LINGO1: variants seen among roughly 807,000 people sequenced by gnomAD.
LINGO1 encodes the protein leucine-rich repeat and immunoglobulin-like domain-containing nogo receptor-interacting protein 1.
LINGO1 carries 11 observed loss-of-function variants against 37.3 expected under a neutral mutation model. The ratio of observed to expected loss-of-function variants is 0.29; its 90% CI spans 0.19 to 0.49. The LOEUF (loss-of-function observed/expected upper bound fraction) is 0.49, where lower values mean the gene tolerates loss of function less well. Among genes scored for constraint, LINGO1 ranks in the 20% least tolerant of loss-of-function variants. The pLI is 0.99. For synonymous variants in LINGO1, 387 were observed against 403.0 expected, an observed-to-expected ratio of 0.96 and a Z score of 0.48; for missense variants, 585 against 878.2, an observed-to-expected ratio of 0.67 and a Z score of 4.22.
chr15:77,632,349 A>G lies in LINGO1; in HGVS notation c.-34T>C. On this transcript the variant is annotated 5_prime_UTR_variant, in exon 1 of 2. Transcript: ENST00000355300. This position sits in a 1 kb window ranked among gnomAD's most constrained non-coding sequence, Gnocchi z 6.0. ...CGCCTTCGGTCCGCTCGGCTCGGTC[A>G]CCAATCGCATGTCTCTCCAGCCGGC... 2 of 1,419,694 alleles carry G rather than the reference A, an allele frequency of 1.4e-6. No homozygotes were observed. The highest frequency in any genetic ancestry group is 1.8e-6 in the Non-Finnish European group (2 of 1,085,426). The allele number at this position is 1,419,694 out of a possible 1,614,324, so 87.9% of individuals were successfully genotyped here. A position where few individuals can be genotyped will look rare whatever the true frequency, so the allele number is the denominator to read the frequency against.
intron 1 of LINGO1, among the ~76,000 whole-genome samples, chr15:77,816,104 C>G (rs2077045887): frequency 6.6e-6 from 1 of 152,284 alleles, no homozygotes; most frequent in East Asian, 1.9e-4. Context: ...CCCGCCAGTC[C>G]CCTCCTTCTG....
At chr15:77,640,827 C>CTCATTCAT (rs55914213) in intron 3 of LINGO1, among the ~76,000 whole-genome samples, 13,399 of 150,544 alleles carry the variant, frequency 0.089, 1,130 homozygotes, top group African/African-American at 0.22. Flanking sequence ...CATTCATCTC[C>CTCATTCAT]TCATTCATTC....
intron 2 of LINGO1, among the ~76,000 whole-genome samples, chr15:77,722,283 C>G (rs1319805202): frequency 6.6e-6 from 1 of 152,226 alleles, no homozygotes; most frequent in African/African-American, 2.4e-5. Flanking sequence ...GGGCTGGACT[C>G]TGGGTTTATC....
At chr15:77,740,723 A>G (rs2076254643) in intron 1 of LINGO1, among the ~76,000 whole-genome samples, 1 of 152,158 alleles carries the variant, frequency 6.6e-6, no homozygotes, top group African/African-American at 2.4e-5. Flanking sequence ...AGATTTGGAT[A>G]GTAGGGTGGG....
At chr15:77,621,677 G>A (rs963386275) in intron 1 of LINGO1, among the ~76,000 whole-genome samples, 3 of 152,154 alleles carry the variant, frequency 2.0e-5, no homozygotes, top group Admixed American at 6.5e-5. Context: ...CCCCAAACCC[G>A]ACAAAAGCCT....
chr15:77,673,013 C>G lies in LINGO1; in HGVS notation c.-13+4076G>C, dbSNP rs978474358. ...AGATGACAGGAATGGAGCTTCAGAGCAGCAGGGAAAGGACGCTTACCCAAC... is the reference window on the plus strand; with the variant it reads ...AGATGACAGGAATGGAGCTTCAGAGGAGCAGGGAAAGGACGCTTACCCAAC... On this transcript the variant is annotated intron_variant, in intron 3 of 3. Transcript: ENST00000559893. 5.3e-5 allele frequency among the ~76,000 whole-genome samples: 8 copies of G among 152,312 alleles called. 1 individual carries two copies. The highest frequency in any genetic ancestry group is 2.9e-5 in the Non-Finnish European group (2 of 68,026).
intron 2 of LINGO1, among the ~76,000 whole-genome samples, chr15:77,723,805 CA>C (rs1164031198): frequency 6.6e-6 from 1 of 152,038 alleles, no homozygotes; most frequent in African/African-American, 2.4e-5. Flanking sequence ...TGGGGGGCAT[CA>C]GGGGAAAGTG....
At chr15:77,740,895 CG>C (rs1265955805) in intron 1 of LINGO1, among the ~76,000 whole-genome samples, 1 of 152,218 alleles carries the variant, frequency 6.6e-6, no homozygotes, top group East Asian at 1.9e-4. Flanking sequence ...CCGAGCTATG[CG>C]GCCCGGCAAC....
intron 1 of LINGO1, among the ~76,000 whole-genome samples, chr15:77,765,102 C>T (rs1419565105): frequency 6.6e-6 from 1 of 152,100 alleles, no homozygotes; most frequent in South Asian, 2.1e-4. Flanking sequence ...GATGGATGAA[C>T]GGTGATTTGT....
chr15:77,647,941 T>C (rs780623366), intron 3 of LINGO1: 1 of 453,552 alleles, frequency 2.2e-6, no homozygotes, highest in South Asian at 1.5e-5. Context: ...GGTGCCACCA[T>C]TGCTAACTGA....
intron 1 of LINGO1, among the ~76,000 whole-genome samples, chr15:77,779,192 T>G (rs1001363317): frequency 1.3e-5 from 2 of 152,056 alleles, no homozygotes; most frequent in East Asian, 3.9e-4. Flanking sequence ...CTCCTTGTAT[T>G]TGTTTCTCCT....
intron 1 of LINGO1, among the ~76,000 whole-genome samples, chr15:77,779,078 C>A (rs1270124677): frequency 6.6e-6 from 1 of 152,110 alleles, no homozygotes; most frequent in East Asian, 1.9e-4. Context: ...TTTGAATGGT[C>A]TCCCCAGGCT....
At chr15:77,746,317 A>G (rs1226259467) in intron 1 of LINGO1, among the ~76,000 whole-genome samples, 1 of 152,138 alleles carries the variant, frequency 6.6e-6, no homozygotes, top group African/African-American at 2.4e-5. Flanking sequence ...CAACATGAGT[A>G]TAAGCATGGG....
chr15:77,776,469 G>GA lies in LINGO1; in HGVS notation c.-257+10399dup, dbSNP rs1211474106. Among the ~76,000 whole-genome samples the GA allele has an allele frequency of 3.3e-3, 448 of 136,486 alleles. 6 individuals are homozygous for GA. Among genetic ancestry groups the GA allele is most frequent in the South Asian group, 6.5e-3 (24 of 3,684 alleles). The allele number at this position is 136,486 out of a possible 152,430, so 89.5% of individuals were successfully genotyped here. A position where few individuals can be genotyped will look rare whatever the true frequency, so the allele number is the denominator to read the frequency against. ...CTTTAGCAGGAAGGCAGGAAGGCAG[G>GA]AAGGCAGGAAGGCAGGAAAGCAGGA... On this transcript the variant is annotated intron_variant, in intron 1 of 3. Transcript: ENST00000561686.
chr15:77,815,796 T>A lies in LINGO1; in HGVS notation c.-458+4462A>T, dbSNP rs559314748. Among the ~76,000 whole-genome samples the A allele has an allele frequency of 2.0e-5, 3 of 152,282 alleles. No homozygotes were observed. The East Asian group carries it at 5.8e-4, about 29-fold the overall frequency. ...GTGGTTTATATCGCACATCTAATTG[T>A]GTTCCTCCAGAACTTCAACGCTGCA... On this transcript the variant is annotated intron_variant, in intron 1 of 5. Coordinates refer to the LINGO1 transcript ENST00000562933.
At chr15:77,715,058 T>A (rs576196747) in intron 2 of LINGO1, among the ~76,000 whole-genome samples, 39 of 152,342 alleles carry the variant, frequency 2.6e-4, no homozygotes, top group Non-Finnish European at 4.9e-4. Flanking sequence ...CCTGGTTGTC[T>A]GGAACACTGA....
At chr15:77,816,390 G>C (rs1368863903) in intron 1 of LINGO1, among the ~76,000 whole-genome samples, 1 of 152,226 alleles carries the variant, frequency 6.6e-6, no homozygotes, top group Non-Finnish European at 1.5e-5. Flanking sequence ...GAAACTCTGA[G>C]ACTGGTCAGG....
chr15:77,777,352 C>T (rs1303262573), intron 1 of LINGO1, among the ~76,000 whole-genome samples: 1 of 139,772 alleles, frequency 7.2e-6, no homozygotes, highest in African/African-American at 2.6e-5. Context: ...TACACACACA[C>T]ACACACGCAT....
At chr15:77,687,205 A>G (rs1030527680) in intron 2 of LINGO1, among the ~76,000 whole-genome samples, 7 of 151,976 alleles carry the variant, frequency 4.6e-5, no homozygotes, top group African/African-American at 1.7e-4. Context: ...ACCAGAATGA[A>G]GGTTCAGTTG....
Sources: gnomAD v4.1 joint callset for allele counts (sites outside exome capture counted in the v4.1 genomes callset) on GRCh38, gnomAD v4.1.1 for gene constraint, Gnocchi (gnomAD v3.1) non-coding constraint, MANE v1.5 for transcripts, NCBI Gene and HGNC (gene_info 2026-07-23, HGNC 2026-07-21) for gene names.